CLEC2D: variants seen among roughly 807,000 people sequenced by gnomAD.
The protein encoded by CLEC2D is C-type lectin related f.
CLEC2D carries 16 observed loss-of-function variants against 20.0 expected under a neutral mutation model. The observed-to-expected ratio is 0.80, with a 90% CI of 0.54 to 1.22. The LOEUF (loss-of-function observed/expected upper bound fraction) is 1.22, where lower values mean the gene tolerates loss of function less well. CLEC2D is among the 50% of genes most tolerant of loss of function. The pLI, the probability that CLEC2D is intolerant of heterozygous loss-of-function variation, is 0.00. For missense variants in CLEC2D, 207 were observed against 221.5 expected, an observed-to-expected ratio of 0.93 and a Z score of 0.42; for synonymous variants, 77 against 71.1, an observed-to-expected ratio of 1.08 and a Z score of -0.42.
At chr12:9,676,676 C>G (rs1865525771) in intron 1 of CLEC2D, among the ~76,000 whole-genome samples, 1 of 152,140 alleles carries the variant, frequency 6.6e-6, no homozygotes, top group African/African-American at 2.4e-5. Flanking sequence ...TAGGATAAAG[C>G]TGGCCTCATA....
At position 9,698,597 on chromosome 12, in the gene CLEC2D, C is replaced by G. The variant is rs912216969; in HGVS notation, c.*3723C>G. Reference sequence around the variant, plus strand: ...GAAAGCTTCACAACGTTGGTCTGGGCAATAATTTTTGGATTTGACCTCAAA... The same window carrying G: ...GAAAGCTTCACAACGTTGGTCTGGGGAATAATTTTTGGATTTGACCTCAAA... On this transcript the variant is annotated 3_prime_UTR_variant, in exon 5 of 5. Coordinates refer to ENST00000290855, the MANE Select transcript of CLEC2D (RefSeq NM_013269.6). The G allele has an allele frequency of 1.3e-5, 2 of 152,000 alleles. No homozygotes were observed. Among genetic ancestry groups the G allele is most frequent in the African/African-American group, 4.8e-5 (2 of 41,388 alleles). 9.4% of individuals were successfully genotyped at this position (152,000 alleles called of 1,614,324 possible).
At chr12:9,671,392 T>C (rs1442470451) in intron 1 of CLEC2D, among the ~76,000 whole-genome samples, 4 of 152,130 alleles carry the variant, frequency 2.6e-5, no homozygotes, top group Non-Finnish European at 5.9e-5. Flanking sequence ...GGCTACTTTT[T>C]TGTATTTTTA....
At position 9,681,050 on chromosome 12, in the gene CLEC2D, CTT is replaced by C; in HGVS notation, c.172+19_172+20del. 8.4e-7 allele frequency: 1 copy of C among 1,192,796 alleles called. No homozygotes were observed. The highest frequency in any genetic ancestry group is 1.2e-6 in the Non-Finnish European group (1 of 803,544). The allele number at this position is 1,192,796 out of a possible 1,614,324, so 73.9% of individuals were successfully genotyped here. A position where few individuals can be genotyped will look rare whatever the true frequency, so the allele number is the denominator to read the frequency against. ...CTTTAAGCGGTAAGTGAACTGTAAT[CTT>C]TATTCATCTAGAGAGAATTATACTT... On this transcript the variant is annotated intron_variant, in intron 2 of 4. Coordinates refer to ENST00000290855, the MANE Select transcript of CLEC2D (RefSeq NM_013269.6).
rs773752125 is a variant in CLEC2D at position 9,698,650 on chromosome 12, CAAATG to C, written c.*3781_*3785del. The C allele has an allele frequency of 6.6e-6, 1 of 152,046 alleles. No individual in the cohort carries two copies. The highest frequency in any genetic ancestry group is 1.9e-4 in the East Asian group (1 of 5,184). 9.4% of individuals were successfully genotyped at this position (152,046 alleles called of 1,614,324 possible). A position where few individuals can be genotyped will look rare whatever the true frequency, so the allele number is the denominator to read the frequency against. ...TAGATGCAACCACAGTGAAAATAAA[CAAATG>C]AAATTGCATAAAATAAAAAATGTTT... On this transcript the variant is annotated 3_prime_UTR_variant, in exon 5 of 5. Coordinates refer to ENST00000290855, the MANE Select transcript of CLEC2D (RefSeq NM_013269.6).
intron 2 of CLEC2D, among the ~76,000 whole-genome samples, chr12:9,684,236 A>G (rs935609442): frequency 1.1e-4 from 16 of 152,200 alleles, no homozygotes; most frequent in Admixed American, 4.6e-4. Flanking sequence ...GTATCCTGAG[A>G]ATTTGCTGAA....
chr12:9,675,191 CTT>C (rs56363104), intron 1 of CLEC2D, among the ~76,000 whole-genome samples: 1,399 of 130,178 alleles, frequency 0.011, 8 homozygotes, highest in African/African-American at 0.027. Flanking sequence ...TTGTCTATTC[CTT>C]TTTTTTTTTT....
At position 9,669,716 on chromosome 12, in the gene CLEC2D, CAT is replaced by C. The variant is rs1865366615; in HGVS notation, c.-17_-16del. 3 of 1,601,414 alleles carry C rather than the reference CAT, an allele frequency of 1.9e-6. No individual in the cohort carries two copies. Among genetic ancestry groups the C allele is most frequent in the South Asian group, 2.2e-5 (2 of 90,812 alleles). ...CGTAGAGACTGTGGTTTAGATCACTCATAGAAACTGGAGGCAAAATGCATGAC... is the reference window on the plus strand; with the variant it reads ...CGTAGAGACTGTGGTTTAGATCACTCAGAAACTGGAGGCAAAATGCATGAC... On this transcript the variant is annotated 5_prime_UTR_variant, in exon 1 of 5. Transcript: ENST00000290855.
chr12:9,681,196 T>C (rs376543035), intron 2 of CLEC2D, 163 bp downstream of exon 2: 8 of 524,804 alleles, frequency 1.5e-5, no homozygotes, highest in African/African-American at 7.6e-5. Flanking sequence ...ATTTTAATTA[T>C]GTAAATAGGG....
chr12:9,681,119 T>C, intron 2 of CLEC2D, 86 bp downstream of exon 2: 2 of 774,050 alleles, frequency 2.6e-6, no homozygotes, highest in Non-Finnish European at 4.2e-6. Flanking sequence ...TGTTATTCTT[T>C]ACAGCTTTTA....
chr12:9,688,493 G>T (rs761982788), intron 3 of CLEC2D, among the ~76,000 whole-genome samples: 3 of 152,180 alleles, frequency 2.0e-5, no homozygotes, highest in African/African-American at 4.8e-5. Flanking sequence ...CAAGGCGGGT[G>T]TATCACTTGA....
At position 9,681,003 on chromosome 12, in the gene CLEC2D, A is replaced by G. The variant is rs140143530; in HGVS notation, c.142A>G (p.Ile48Val). The change falls in exon 2 of 5, where the codon ATA becomes GTA. Residue 48 changes from isoleucine (I) to valine (V), a missense_variant. By Grantham distance (29) the Ile-to-Val change is conservative. Transcript: ENST00000290855. ...TTTCTTAATCATGTTTCTGACAATC[A>G]TAGTGTGTGGAATGGTTGCTGCTTT... ...LFFLIMFLTI[I>V]VCGMVAALSA... 57 of 1,598,546 alleles carry G rather than the reference A, an allele frequency of 3.6e-5. No individual in the cohort carries two copies. The East Asian group carries it at 1.2e-3, about 35-fold the overall frequency.
At chr12:9,694,396 TG>T (rs1348882515) in intron 4 of CLEC2D, among the ~76,000 whole-genome samples, 1 of 152,076 alleles carries the variant, frequency 6.6e-6, no homozygotes, top group African/African-American at 2.4e-5. Flanking sequence ...AAATCAAGCA[TG>T]GTTTTTAGAA....
rs756215261 is a variant in CLEC2D, at chr12:9,688,029, G to A, written c.300G>A (p.Gln100=). 161 of 1,612,954 alleles carry A rather than the reference G, an allele frequency of 1.0e-4. No individual in the cohort carries two copies. The South Asian group carries it at 1.7e-3, about 17-fold the overall frequency. The part of the protein sequence containing the change: ...SDDTKNWTSS[Q]RFCDSQDADL... ...ACACCAAGAACTGGACATCAAGTCA[G>A]AGGTTTTGTGACTCACAAGATGCTG... The change falls in exon 3 of 5, where the codon CAG becomes CAA. Residue 100 remains glutamine, a synonymous_variant. Transcript: ENST00000290855.
intron 1 of CLEC2D, among the ~76,000 whole-genome samples, chr12:9,677,730 T>C (rs1443921132): frequency 2.0e-5 from 1 of 50,374 alleles, no homozygotes; most frequent in East Asian, 4.5e-4. Context: ...TTTTTTTTTA[T>C]TTTGTTGTTT....
chr12:9,679,157 C>T (rs933613047), intron 1 of CLEC2D, among the ~76,000 whole-genome samples: 2 of 152,010 alleles, frequency 1.3e-5, no homozygotes, highest in Non-Finnish European at 2.9e-5. Flanking sequence ...TATACATAAG[C>T]ACACATAATT....
In CLEC2D at chr12:9,695,749, G is replaced by C. The variant is rs182455235; in HGVS notation, c.*875G>C. 49 of 1,419,944 alleles carry C rather than the reference G, an allele frequency of 3.5e-5. No individual in the cohort carries two copies. In the Admixed American group the frequency reaches 6.9e-4, roughly 20 times the overall value. 88.0% of individuals were successfully genotyped at this position (1,419,944 alleles called of 1,614,324 possible). ...GCACTTAGTAGCTGTGAAGGAAGGT[G>C]CAGAGTCAGAAGATGAAGAAGAGGA... On this transcript the variant is annotated 3_prime_UTR_variant, in exon 5 of 5. Transcript: ENST00000290855.
chr12:9,683,753 C>A (rs1456312261), intron 2 of CLEC2D, among the ~76,000 whole-genome samples: 1 of 152,090 alleles, frequency 6.6e-6, no homozygotes, highest in Admixed American at 6.6e-5. Flanking sequence ...GGTACCAACA[C>A]CATGCTGTTT....
chr12:9,694,745 C>T lies in CLEC2D; in HGVS notation c.462-15C>T, dbSNP rs910661339. 3.5e-6 allele frequency: 5 copies of T among 1,445,488 alleles called. No homozygotes were observed. The highest frequency in any genetic ancestry group is 4.9e-6 in the Non-Finnish European group (5 of 1,026,654). 89.5% of individuals were successfully genotyped at this position (1,445,488 alleles called of 1,614,324 possible). ...AATGTTCAGTGGCCAACTGATTCTG[C>T]TTCTTCTCTTGCAGGTTTCCTATCC... On this transcript the variant is annotated splice_polypyrimidine_tract_variant and intron_variant, in intron 4 of 4. Transcript: ENST00000290855.
Position 9,692,833 on chromosome 12 carries a change from C to T in CLEC2D, c.363C>T (p.Phe121=). 1 of 1,604,116 alleles carries T rather than the reference C, an allele frequency of 6.2e-7. No homozygotes were observed. The highest frequency in any genetic ancestry group is 8.5e-7 in the Non-Finnish European group (1 of 1,175,116). Residue 121 remains phenylalanine, a synonymous_variant, in exon 4 of 5, where the codon TTC becomes TTT. Transcript: ENST00000290855. The part of the protein sequence containing the change: ...AQVESFQELN[F]LLRYKGPSDH... ...ATCTCTGTGTTTTCTGAAAGAATTT[C>T]CTGTTGAGATATAAAGGCCCATCTG...
Sources: allele counts gnomAD v4.1 joint callset (sites outside exome capture counted in the v4.1 genomes callset), GRCh38; gene constraint gnomAD v4.1.1; transcripts MANE v1.5; gene names NCBI Gene and HGNC (gene_info 2026-07-23, HGNC 2026-07-21).